Variants in TMEM200A observed in about 807,000 individuals in gnomAD.
TMEM200A encodes two transmembrane C.
In TMEM200A, 12 loss-of-function variants were observed where a neutral mutation model predicts 24.3. That is an observed-to-expected ratio of 0.49 (90% CI 0.32 to 0.80). The LOEUF is 0.80. TMEM200A is among the 30% of genes least tolerant of loss of function. The pLI is 0.04. For synonymous variants in TMEM200A, 224 were observed against 224.4 expected, an observed-to-expected ratio of 1.00 and a Z score of 0.02; for missense variants, 545 against 614.4, an observed-to-expected ratio of 0.89 and a Z score of 1.19.
chr6:130,398,917 A>C (rs889472605), intron 2 of TMEM200A, among the ~76,000 whole-genome samples: 1 of 151,778 alleles, frequency 6.6e-6, no homozygotes, highest in South Asian at 2.1e-4. Context: ...TCATTGTCCA[A>C]TTTCCTTCTA....
intron 2 of TMEM200A, among the ~76,000 whole-genome samples, chr6:130,401,435 T>C (rs796530252): frequency 3.7e-5 from 3 of 81,012 alleles, no homozygotes; most frequent in Admixed American, 1.2e-4. Flanking sequence ...CTTTCTCTCT[T>C]TCCTTCCTTC....
chr6:130,428,282 A>G (rs890503492), intron 2 of TMEM200A, among the ~76,000 whole-genome samples: 3 of 152,160 alleles, frequency 2.0e-5, no homozygotes, highest in African/African-American at 7.2e-5. Flanking sequence ...ACAAGTAAGG[A>G]CATTTAAAAA....
chr6:130,417,895 A>T (rs191350837), intron 2 of TMEM200A, among the ~76,000 whole-genome samples: 39 of 152,144 alleles, frequency 2.6e-4, no homozygotes, highest in Non-Finnish European at 5.0e-4. Context: ...CAAAGTCTTC[A>T]CTCCAACTTC....
chr6:130,411,074 C>G (rs1341595881), intron 2 of TMEM200A, among the ~76,000 whole-genome samples: 1 of 151,774 alleles, frequency 6.6e-6, no homozygotes, highest in Admixed American at 6.6e-5. Flanking sequence ...AAGGCTGGGG[C>G]AGGGGAATTG....
At chr6:130,376,724 T>C (rs988237319) in intron 1 of TMEM200A, among the ~76,000 whole-genome samples, 36 of 152,136 alleles carry the variant, frequency 2.4e-4, no homozygotes, top group Admixed American at 1.6e-3. Context: ...TATTGAAAAA[T>C]AAAAAATACA....
intron 1 of TMEM200A, among the ~76,000 whole-genome samples, chr6:130,371,463 A>G (rs2115066213): frequency 6.6e-6 from 1 of 152,200 alleles, no homozygotes; most frequent in Admixed American, 6.5e-5. Context: ...ATGCAAAACT[A>G]CCTCTCAACC....
intron 2 of TMEM200A, among the ~76,000 whole-genome samples, chr6:130,430,892 C>A (rs552532967): frequency 7.9e-5 from 12 of 152,270 alleles, no homozygotes; most frequent in Admixed American, 7.8e-4. Flanking sequence ...ATTAATTGAG[C>A]TACCATCAAT....
chr6:130,433,338 G>A (rs757289179), intron 2 of TMEM200A, among the ~76,000 whole-genome samples: 35 of 152,090 alleles, frequency 2.3e-4, no homozygotes, highest in Non-Finnish European at 4.3e-4. Flanking sequence ...GGGTTTCACC[G>A]TGTTGGCCAG....
At chr6:130,429,982 C>T (rs949849038) in intron 2 of TMEM200A, among the ~76,000 whole-genome samples, 1 of 152,112 alleles carries the variant, frequency 6.6e-6, no homozygotes, top group East Asian at 1.9e-4. Context: ...GGAAGGAGAA[C>T]CAGAGGCTGA....
chr6:130,388,728 A>G (rs954396912), intron 2 of TMEM200A, among the ~76,000 whole-genome samples: 10 of 152,208 alleles, frequency 6.6e-5, no homozygotes, highest in Admixed American at 1.3e-4. Flanking sequence ...ACTCAATTGT[A>G]AATACTAAAA....
At chr6:130,427,576 G>T (rs937842141) in intron 2 of TMEM200A, among the ~76,000 whole-genome samples, 2 of 152,038 alleles carry the variant, frequency 1.3e-5, no homozygotes, top group Admixed American at 1.3e-4. Context: ...CAGCAGGCAG[G>T]GGGTGGCAAA....
At chr6:130,430,573 T>C (rs554958366) in intron 2 of TMEM200A, among the ~76,000 whole-genome samples, 1 of 152,246 alleles carries the variant, frequency 6.6e-6, no homozygotes, top group East Asian at 1.9e-4. Flanking sequence ...TCCACCATCT[T>C]CCTTTTTTTT....
chr6:130,442,080 CTA>C lies in TMEM200A; in HGVS notation c.*184_*185del. 1 of 510,218 alleles carries C rather than the reference CTA, an allele frequency of 2.0e-6. No homozygotes were observed. Among genetic ancestry groups the C allele is most frequent in the Non-Finnish European group, 3.5e-6 (1 of 288,126 alleles). 31.6% of individuals were successfully genotyped at this position (510,218 alleles called of 1,614,324 possible). Reference sequence around the variant, plus strand: ...TTGGGTTACTTGTGACTGCAGTACTCTATGTTACCACACATGATTTTATTTTT... The same window carrying C: ...TTGGGTTACTTGTGACTGCAGTACTCTGTTACCACACATGATTTTATTTTT... On this transcript the variant is annotated 3_prime_UTR_variant, in exon 3 of 3. Transcript: ENST00000296978.
At chr6:130,384,512 A>G (rs999877672) in intron 1 of TMEM200A, among the ~76,000 whole-genome samples, 6 of 152,060 alleles carry the variant, frequency 3.9e-5, no homozygotes, top group African/African-American at 1.4e-4. Flanking sequence ...GGGTCTTGCT[A>G]TGTTGCCAAG....
intron 2 of TMEM200A, among the ~76,000 whole-genome samples, chr6:130,428,420 A>T (rs1779797988): frequency 6.6e-6 from 1 of 151,564 alleles, no homozygotes; most frequent in Admixed American, 6.6e-5. Flanking sequence ...TTTTTTCTTT[A>T]TCCTCCACCT....
chr6:130,386,538 A>C (rs759695303), intron 2 of TMEM200A, among the ~76,000 whole-genome samples: 11 of 152,248 alleles, frequency 7.2e-5, no homozygotes, highest in Non-Finnish European at 1.3e-4. Context: ...AGAGATTAGG[A>C]AAGTTTACCC....
intron 2 of TMEM200A, among the ~76,000 whole-genome samples, chr6:130,431,874 G>C (rs1284004769): frequency 6.6e-6 from 1 of 152,098 alleles, no homozygotes; most frequent in Non-Finnish European, 1.5e-5. Flanking sequence ...GTTTTCTGCA[G>C]GCTCAAGATG....
intron 2 of TMEM200A, among the ~76,000 whole-genome samples, chr6:130,407,003 T>C (rs1357136714): frequency 2.0e-5 from 3 of 152,204 alleles, no homozygotes; most frequent in African/African-American, 7.2e-5. Context: ...GTTTATAATC[T>C]AGTTTTCTTG....
chr6:130,439,097 TCA>T (rs1209252747), intron 2 of TMEM200A: 3 of 152,348 alleles, frequency 2.0e-5, no homozygotes, highest in African/African-American at 7.2e-5. Context: ...AAAGTTAAAG[TCA>T]ATGGGTCTAG....
Sources: gnomAD v4.1 joint callset for allele counts (sites outside exome capture counted in the v4.1 genomes callset) on GRCh38, gnomAD v4.1.1 for gene constraint, MANE v1.5 for transcripts, NCBI Gene and HGNC (gene_info 2026-07-23, HGNC 2026-07-21) for gene names.